The following PRH1 variants were observed in gnomAD, a reference collection of about 807,000 sequenced individuals.
PRH1 encodes the protein proline rich protein HaeIII subfamily 1.
PRH1 carries 7 observed loss-of-function variants against 7.9 expected under a neutral mutation model. The ratio of observed to expected loss-of-function variants is 0.89; its 90% CI spans 0.50 to 1.67. The LOEUF is 1.67. Among genes scored for constraint, PRH1 ranks in the 40% most tolerant of loss-of-function variants. The pLI, the probability that PRH1 is intolerant of heterozygous loss-of-function variation, is 0.00. For missense variants in PRH1, 109 were observed against 223.6 expected (o/e 0.49, Z 3.27); for synonymous variants, 45 against 80.8 (o/e 0.56, Z 2.38).
chr12:11,075,044 C>T (rs1267316757), intron 1 of PRH1, among the ~76,000 whole-genome samples: 1 of 139,984 alleles, frequency 7.1e-6, no homozygotes, highest in Non-Finnish European at 1.6e-5. Context: ...CTCATTGCTA[C>T]CCTGGACTTG....
intron 1 of PRH1, among the ~76,000 whole-genome samples, chr12:10,979,153 C>T (rs899907917): frequency 6.6e-6 from 1 of 152,110 alleles, no homozygotes; most frequent in Non-Finnish European, 1.5e-5. Context: ...ATCAGGTACT[C>T]TGCTTATCAC....
At chr12:11,137,723 C>T (rs149035512) in intron 1 of PRH1, among the ~76,000 whole-genome samples, 1 of 152,082 alleles carries the variant, frequency 6.6e-6, no homozygotes, top group African/African-American at 2.4e-5. Context: ...TTGACTTAAA[C>T]TTTGCTGTTT....
At chr12:11,013,985 T>G (rs1455782569) in intron 1 of PRH1, among the ~76,000 whole-genome samples, 1 of 152,226 alleles carries the variant, frequency 6.6e-6, no homozygotes, top group African/African-American at 2.4e-5. Flanking sequence ...TGCCTAAGCC[T>G]CCCAAGGTGC....
chr12:10,952,760 C>T (rs191141325), intron 2 of PRH1, among the ~76,000 whole-genome samples: 35 of 152,276 alleles, frequency 2.3e-4, no homozygotes, highest in South Asian at 1.7e-3. Flanking sequence ...TGCCAATGCC[C>T]GCATGGAAGC....
At position 10,882,372 on chromosome 12, in the gene PRH1, G is replaced by A. The variant is rs1949416082; in HGVS notation, c.427C>T (p.Arg143Ter). The change falls in exon 3 of 4, where the codon CGA (arginine) becomes TGA (stop). Residue 143 changes from arginine (R) to a stop codon, truncating the protein, a stop_gained. Coordinates refer to ENST00000543626, the MANE Select transcript of PRH1 (RefSeq NM_001393989.1). LOFTEE classifies it low-confidence loss of function (END_TRUNC). ...TGGGGTGGTCCTTGTGGCCTTCCTCGAGGAGGACGGGGATGGCCTCCCTGT... is the reference window on the plus strand; with the variant it reads ...TGGGGTGGTCCTTGTGGCCTTCCTCAAGGAGGACGGGGATGGCCTCCCTGT... ...PQQGGHPRPP[R>*]GRPQGPPQQG... 3.1e-6 allele frequency: 5 copies of A among 1,603,610 alleles called. No individual in the cohort carries two copies. The highest frequency in any genetic ancestry group is 1.1e-5 in the South Asian group (1 of 90,456).
upstream of PRH1, among the ~76,000 whole-genome samples, chr12:10,886,101 C>T (rs768954488): frequency 7.9e-5 from 12 of 152,096 alleles, no homozygotes; most frequent in Non-Finnish European, 1.6e-4. Flanking sequence ...CTAGCTGGGC[C>T]GTATGAGTTG....
At chr12:11,030,107 T>A (rs73049060) in intron 1 of PRH1, among the ~76,000 whole-genome samples, 1 of 19,890 alleles carries the variant, frequency 5.0e-5, no homozygotes, top group Admixed American at 9.5e-4. Flanking sequence ...GAATGAAATA[T>A]ACATGGCTTC....
intron 2 of PRH1, among the ~76,000 whole-genome samples, chr12:10,912,163 T>C (rs1949909737): frequency 6.6e-6 from 1 of 152,192 alleles, no homozygotes; most frequent in African/African-American, 2.4e-5. Flanking sequence ...CAATTCAAAA[T>C]TTATCTAGTC....
intron 1 of PRH1, among the ~76,000 whole-genome samples, chr12:11,141,883 G>C (rs1364748587): frequency 6.6e-6 from 1 of 152,122 alleles, no homozygotes; most frequent in African/African-American, 2.4e-5. Context: ...AAACTTTTGG[G>C]CCCAAGTGGT....
At chr12:11,132,322 A>G (rs374800401) in intron 1 of PRH1, among the ~76,000 whole-genome samples, 2 of 152,020 alleles carry the variant, frequency 1.3e-5, no homozygotes, top group African/African-American at 4.8e-5. Flanking sequence ...TTTTTATACT[A>G]TTTTCACATT....
chr12:10,884,517 A>G (rs1949460536), upstream of PRH1, among the ~76,000 whole-genome samples: 1 of 152,228 alleles, frequency 6.6e-6, no homozygotes, highest in African/African-American at 2.4e-5. Context: ...GCACAGTGTC[A>G]GGATTGAACT....
chr12:11,136,992 A>G (rs1383795647), intron 1 of PRH1, among the ~76,000 whole-genome samples: 1 of 152,228 alleles, frequency 6.6e-6, no homozygotes, highest in East Asian at 1.9e-4. Flanking sequence ...GTCACAGAAG[A>G]GATTAAAATC....
intron 1 of PRH1, chr12:10,996,814 G>T (rs994301877): frequency 1.2e-5 from 8 of 691,558 alleles, no homozygotes; most frequent in Middle Eastern, 3.8e-4. Context: ...TTAGGTAAAA[G>T]ACTTTTCTAT....
chr12:11,107,707 A>G (rs1945463158), intron 1 of PRH1, among the ~76,000 whole-genome samples: 1 of 152,262 alleles, frequency 6.6e-6, no homozygotes, highest in Non-Finnish European at 1.5e-5. Context: ...AAAAAGAACA[A>G]TGAAACACAA....
intron 1 of PRH1, among the ~76,000 whole-genome samples, chr12:11,161,396 A>C (rs1356787647): frequency 6.6e-6 from 1 of 152,230 alleles, no homozygotes; most frequent in Non-Finnish European, 1.5e-5. Context: ...TGGATAGTGA[A>C]GGAACAGATC....
downstream of PRH1, among the ~76,000 whole-genome samples, chr12:11,118,887 C>T (rs914980561): frequency 2.0e-5 from 3 of 150,850 alleles, no homozygotes; most frequent in Non-Finnish European, 4.4e-5. Flanking sequence ...CCCAGCGACT[C>T]AGGAGGCTGA....
intron 2 of PRH1, among the ~76,000 whole-genome samples, chr12:10,944,088 T>A (rs1950446970): frequency 6.6e-6 from 1 of 152,206 alleles, no homozygotes; most frequent in Non-Finnish European, 1.5e-5. Context: ...ATATAAATTG[T>A]AAAATAAATT....
At chr12:10,954,469 G>A (rs567036804) in intron 2 of PRH1, among the ~76,000 whole-genome samples, 13 of 151,098 alleles carry the variant, frequency 8.6e-5, no homozygotes, top group South Asian at 6.2e-4. Flanking sequence ...ACTTCTTTTT[G>A]TTTGTTTGTT....
intron 1 of PRH1, among the ~76,000 whole-genome samples, chr12:11,125,137 C>A (rs1288667308): frequency 8.1e-6 from 1 of 123,328 alleles, no homozygotes; most frequent in Non-Finnish European, 1.8e-5. Flanking sequence ...GCCACCATGC[C>A]CGGCACAATT....
Sources: gnomAD v4.1 joint callset for allele counts (sites outside exome capture counted in the v4.1 genomes callset) on GRCh38, gnomAD v4.1.1 for gene constraint, MANE v1.5 for transcripts, NCBI Gene and HGNC (gene_info 2026-07-23, HGNC 2026-07-21) for gene names.